The following KLHL32 variants were observed in gnomAD, a reference collection of about 807,000 sequenced individuals.
KLHL32 encodes kelch-like protein 32.
In KLHL32, 35 loss-of-function variants were observed where a neutral mutation model predicts 64.8. The ratio of observed to expected loss-of-function variants is 0.54; its 90% CI spans 0.41 to 0.72. The LOEUF (loss-of-function observed/expected upper bound fraction) is 0.72. Among genes scored for constraint, KLHL32 ranks in the 30% least tolerant of loss-of-function variants. KLHL32 has a pLI of 0.00. For missense variants in KLHL32, 589 were observed against 768.5 expected, an observed-to-expected ratio of 0.77 and a Z score of 2.76; for synonymous variants, 259 against 281.0, an observed-to-expected ratio of 0.92 and a Z score of 0.78.
intron 6 of KLHL32, among the ~76,000 whole-genome samples, chr6:97,109,453 C>T (rs970713446): frequency 6.6e-6 from 1 of 152,166 alleles, no homozygotes; most frequent in Non-Finnish European, 1.5e-5. Context: ...CAGAAAGCAT[C>T]ATGACACATG....
At chr6:97,093,017 T>C (rs1183998295) in intron 6 of KLHL32, among the ~76,000 whole-genome samples, 1 of 152,208 alleles carries the variant, frequency 6.6e-6, no homozygotes, top group Admixed American at 6.5e-5. Flanking sequence ...TTATGAGATA[T>C]GACATATTTA....
intron 8 of KLHL32, among the ~76,000 whole-genome samples, chr6:97,128,497 A>C (rs1799102652): frequency 6.6e-6 from 1 of 152,220 alleles, no homozygotes; most frequent in Non-Finnish European, 1.5e-5. Context: ...GCTCTTTTAA[A>C]AAATTCTGCT....
At chr6:96,932,027 T>A (rs1465385847) in intron 1 of KLHL32, among the ~76,000 whole-genome samples, 22 of 152,128 alleles carry the variant, frequency 1.4e-4, no homozygotes, top group Admixed American at 1.3e-3. Flanking sequence ...GAGTCTCTCG[T>A]TCACTTGTTT....
At chr6:96,969,322 A>C (rs1774856082) in intron 2 of KLHL32, among the ~76,000 whole-genome samples, 1 of 152,108 alleles carries the variant, frequency 6.6e-6, no homozygotes, top group Admixed American at 6.5e-5. Context: ...CTTTTTCAAA[A>C]TATGGTTGTA....
At chr6:97,011,015 A>T (rs1780340404) in intron 3 of KLHL32, among the ~76,000 whole-genome samples, 1 of 152,198 alleles carries the variant, frequency 6.6e-6, no homozygotes, top group South Asian at 2.1e-4. Context: ...GCCTGCTCAG[A>T]AGAAGGTTCT....
chr6:96,914,540 C>A, the KLHL32 span, among the ~76,000 whole-genome samples: 1 of 152,048 alleles, frequency 6.6e-6, no homozygotes, highest in African/African-American at 2.4e-5. Context: ...TTAGCAGATC[C>A]CCAGACAAGT....
intron 1 of KLHL32, among the ~76,000 whole-genome samples, chr6:96,943,800 A>C (rs1484784931): frequency 6.6e-6 from 1 of 152,160 alleles, no homozygotes; most frequent in African/African-American, 2.4e-5. Flanking sequence ...CCATCTGGGG[A>C]AGGGAAAAGT....
At chr6:97,069,472 C>T (rs900094231) in intron 5 of KLHL32, among the ~76,000 whole-genome samples, 2 of 148,848 alleles carry the variant, frequency 1.3e-5, no homozygotes, top group Non-Finnish European at 3.0e-5. Context: ...TTCTGAGAAG[C>T]ACTAGATTCT....
intron 5 of KLHL32, among the ~76,000 whole-genome samples, chr6:97,077,318 T>C (rs1791753716): frequency 6.6e-6 from 1 of 152,190 alleles, no homozygotes; most frequent in South Asian, 2.1e-4. Flanking sequence ...ATAATAATCA[T>C]TTGTGACAAA....
At chr6:96,980,221 A>G (rs1373462647) in intron 3 of KLHL32, among the ~76,000 whole-genome samples, 1 of 152,076 alleles carries the variant, frequency 6.6e-6, no homozygotes, top group African/African-American at 2.4e-5. Context: ...TGCTGAGGGT[A>G]GCCATTCTTG....
At chr6:96,986,961 G>A (rs546216122) in intron 3 of KLHL32, among the ~76,000 whole-genome samples, 6 of 152,286 alleles carry the variant, frequency 3.9e-5, no homozygotes, top group South Asian at 2.1e-4. Flanking sequence ...CTTCTGCATC[G>A]CTCACGCTGG....
chr6:96,972,789 T>C (rs1775254724), intron 2 of KLHL32, among the ~76,000 whole-genome samples: 1 of 152,236 alleles, frequency 6.6e-6, no homozygotes, highest in Non-Finnish European at 1.5e-5. Context: ...GGGAGCTGTT[T>C]GCAAGCATGT....
intron 1 of KLHL32, among the ~76,000 whole-genome samples, chr6:96,945,142 C>T (rs1210494155): frequency 6.6e-6 from 1 of 152,186 alleles, no homozygotes; most frequent in African/African-American, 2.4e-5. Context: ...AGGTTGGATG[C>T]AGCTTCCATT....
At chr6:96,995,754 T>A (rs1778344514) in intron 3 of KLHL32, among the ~76,000 whole-genome samples, 1 of 152,234 alleles carries the variant, frequency 6.6e-6, no homozygotes. Flanking sequence ...ATATGATGTC[T>A]CTCATGAAGC....
chr6:96,912,465 G>A, the KLHL32 span, among the ~76,000 whole-genome samples: 1 of 151,972 alleles, frequency 6.6e-6, no homozygotes, highest in East Asian at 1.9e-4. Flanking sequence ...TTCCTGTGTT[G>A]CTCCCTTTAC....
upstream of KLHL32, among the ~76,000 whole-genome samples, chr6:96,922,324 G>C (rs967058890): frequency 2.0e-5 from 3 of 152,066 alleles, no homozygotes; most frequent in African/African-American, 7.2e-5. Context: ...TAACATTCCT[G>C]TCCTGATATT....
At chr6:96,912,681 C>A in the KLHL32 span, among the ~76,000 whole-genome samples, 1 of 152,158 alleles carries the variant, frequency 6.6e-6, no homozygotes, top group Admixed American at 6.5e-5. Flanking sequence ...TAAACTGAAA[C>A]ATACAAGGTA....
chr6:97,061,087 C>T (rs1381844418), intron 4 of KLHL32, among the ~76,000 whole-genome samples: 1 of 152,150 alleles, frequency 6.6e-6, no homozygotes, highest in East Asian at 1.9e-4. Flanking sequence ...ATCCCTCATT[C>T]GAGAACAGCC....
chr6:97,066,689 A>G (rs1789806466), intron 5 of KLHL32, among the ~76,000 whole-genome samples: 1 of 152,134 alleles, frequency 6.6e-6, no homozygotes, highest in Non-Finnish European at 1.5e-5. Context: ...AACCTTCCTT[A>G]TTTCAGCCTT....
Sources: gnomAD v4.1 joint callset for allele counts (sites outside exome capture counted in the v4.1 genomes callset) on GRCh38, gnomAD v4.1.1 for gene constraint, MANE v1.5 for transcripts, NCBI Gene and HGNC (gene_info 2026-07-23, HGNC 2026-07-21) for gene names.